Variants in GPHN observed in about 807,000 individuals in gnomAD.
GPHN encodes the protein gephyrin.
GPHN carries 17 observed loss-of-function variants against 95.5 expected under a neutral mutation model. That is an observed-to-expected ratio of 0.18 (90% CI 0.12 to 0.27). GPHN has a LOEUF of 0.27. GPHN is among the 10% of genes least tolerant of loss of function. The pLI, the probability that GPHN is intolerant of heterozygous loss-of-function variation, is 1.00. For missense variants in GPHN, 660 were observed against 978.1 expected, an observed-to-expected ratio of 0.67 and a Z score of 4.34; for synonymous variants, 320 against 322.5, an observed-to-expected ratio of 0.99 and a Z score of 0.08.
intron 1 of GPHN, among the ~76,000 whole-genome samples, chr14:66,615,209 T>C (rs2062955296): frequency 6.6e-6 from 1 of 152,194 alleles, no homozygotes; most frequent in Non-Finnish European, 1.5e-5. Flanking sequence ...TGATTTATAA[T>C]CCTTTGGGTA....
intron 1 of GPHN, among the ~76,000 whole-genome samples, chr14:66,520,965 G>C (rs1321583801): frequency 6.6e-6 from 1 of 151,914 alleles, no homozygotes; most frequent in Non-Finnish European, 1.5e-5. Flanking sequence ...TTGGTTTTCT[G>C]TTCCTACATT....
chr14:67,689,003 G>A, the GPHN span, among the ~76,000 whole-genome samples: 2 of 152,114 alleles, frequency 1.3e-5, no homozygotes, highest in Non-Finnish European at 2.9e-5. Context: ...GCACCATAAT[G>A]ATTTTCCACT....
chr14:66,941,257 T>TAAA (rs35289961), intron 8 of GPHN, among the ~76,000 whole-genome samples: 79 of 149,722 alleles, frequency 5.3e-4, no homozygotes, highest in Middle Eastern at 3.2e-3. Context: ...TTATTTTCAT[T>TAAA]AAAAAAAAAA....
intron 1 of GPHN, among the ~76,000 whole-genome samples, chr14:66,655,808 A>G (rs1235991755): frequency 6.6e-6 from 1 of 151,856 alleles, no homozygotes; most frequent in Admixed American, 6.6e-5. Context: ...TTTTATCATG[A>G]ATTGGTTGAA....
chr14:67,031,652 C>T (rs192878661), intron 10 of GPHN, among the ~76,000 whole-genome samples: 28 of 152,076 alleles, frequency 1.8e-4, no homozygotes, highest in Admixed American at 4.6e-4. Flanking sequence ...ACTATGTTGC[C>T]CAGACTGGAT....
chr14:66,809,880 C>A (rs1286594620), intron 3 of GPHN, among the ~76,000 whole-genome samples: 1 of 151,980 alleles, frequency 6.6e-6, no homozygotes, highest in Non-Finnish European at 1.5e-5. Context: ...ATCACCTAGT[C>A]CCTTATTTTT....
At chr14:66,800,157 C>T (rs976252094) in intron 3 of GPHN, among the ~76,000 whole-genome samples, 16 of 151,956 alleles carry the variant, frequency 1.1e-4, no homozygotes, top group Non-Finnish European at 1.6e-4. Context: ...TCTTAATGTA[C>T]GGACTATGTC....
At chr14:66,750,023 T>C (rs1215909080) in intron 2 of GPHN, among the ~76,000 whole-genome samples, 2 of 151,882 alleles carry the variant, frequency 1.3e-5, no homozygotes, top group African/African-American at 4.8e-5. Flanking sequence ...TAGTTATTTT[T>C]ATATGTACAA....
At chr14:67,701,499 C>A in the GPHN span, among the ~76,000 whole-genome samples, 1 of 135,682 alleles carries the variant, frequency 7.4e-6, no homozygotes, top group Non-Finnish European at 1.5e-5. Context: ...TCTTGGCTCA[C>A]TGCAAACTCC....
At chr14:67,248,052 C>T in the GPHN span, among the ~76,000 whole-genome samples, 1 of 151,954 alleles carries the variant, frequency 6.6e-6, no homozygotes, top group Admixed American at 6.6e-5. Flanking sequence ...TTATCATATG[C>T]CTTTTCTGCA....
the GPHN span, among the ~76,000 whole-genome samples, chr14:67,606,672 G>T: frequency 6.6e-6 from 1 of 152,098 alleles, no homozygotes; most frequent in South Asian, 2.1e-4. Context: ...TTGAGACGGA[G>T]TTTTGCTCTT....
At chr14:66,926,392 G>T (rs1488845583) in intron 8 of GPHN, among the ~76,000 whole-genome samples, 1 of 152,072 alleles carries the variant, frequency 6.6e-6, no homozygotes, top group Non-Finnish European at 1.5e-5. Context: ...ATTTAAGTAT[G>T]TAAGTCTTTA....
chr14:66,632,577 C>T (rs1403972075), intron 1 of GPHN, among the ~76,000 whole-genome samples: 1 of 150,678 alleles, frequency 6.6e-6, no homozygotes, highest in Non-Finnish European at 1.5e-5. Context: ...ACTGCAACCT[C>T]CTCCTCCCAG....
intron 17 of GPHN, among the ~76,000 whole-genome samples, chr14:67,132,315 G>A (rs1368006959): frequency 6.6e-6 from 1 of 152,116 alleles, no homozygotes; most frequent in Non-Finnish European, 1.5e-5. Flanking sequence ...CTTAAAGTAG[G>A]AGTTTTCTAA....
At chr14:66,605,141 G>A (rs1390017551) in intron 1 of GPHN, among the ~76,000 whole-genome samples, 1 of 152,120 alleles carries the variant, frequency 6.6e-6, no homozygotes. Flanking sequence ...TTGCGATCGT[G>A]AATAGTGATG....
Position 67,122,307 on chromosome 14 carries a change from C to T in GPHN, c.1678C>T (p.Arg560Cys), listed in dbSNP as rs1567363565. Reference sequence around the variant, plus strand: ...ACCAGGGAAGATTCGAGACAGCAATCGTTCAACTCTTCTAGCAACAATTCA... The same window carrying T: ...ACCAGGGAAGATTCGAGACAGCAATTGTTCAACTCTTCTAGCAACAATTCA... The part of the protein sequence containing the change: ...LLPGKIRDSN[R>C]STLLATIQEH... Residue 560 changes from arginine to cysteine, a missense_variant, in exon 17 of 23, where the codon CGT (arginine) becomes TGT (cysteine). Coordinates refer to ENST00000478722, the MANE Select transcript of GPHN (RefSeq NM_020806.5). The T allele has an allele frequency of 2.5e-6, 4 of 1,612,598 alleles. No homozygotes were observed. Among genetic ancestry groups the T allele is most frequent in the Non-Finnish European group, 3.4e-6 (4 of 1,178,804 alleles).
At chr14:67,489,472 G>C in the GPHN span, among the ~76,000 whole-genome samples, 1 of 152,222 alleles carries the variant, frequency 6.6e-6, no homozygotes, top group African/African-American at 2.4e-5. Flanking sequence ...CAATATGCCT[G>C]AGACGCTGCT....
the GPHN span, among the ~76,000 whole-genome samples, chr14:67,309,416 G>T: frequency 8.6e-5 from 13 of 152,038 alleles, no homozygotes; most frequent in African/African-American, 2.7e-4. Flanking sequence ...ATTAATAAGA[G>T]CCTTTTCCTC....
At chr14:67,020,704 A>G (rs989694443) in intron 9 of GPHN, among the ~76,000 whole-genome samples, 2 of 152,100 alleles carry the variant, frequency 1.3e-5, no homozygotes, top group African/African-American at 2.4e-5. Flanking sequence ...CTGTTCCTAC[A>G]TGTTATTTTA....
Sources: gnomAD v4.1 joint callset for allele counts (sites outside exome capture counted in the v4.1 genomes callset) on GRCh38, gnomAD v4.1.1 for gene constraint, MANE v1.5 for transcripts, NCBI Gene and HGNC (gene_info 2026-07-23, HGNC 2026-07-21) for gene names.